Variants in LIG3 observed in about 807,000 individuals in gnomAD.
The protein encoded by LIG3 is DNA ligase 3.
In LIG3, 58 loss-of-function variants were observed where a neutral mutation model predicts 110.9. The ratio of observed to expected loss-of-function variants is 0.52; its 90% CI spans 0.42 to 0.65. LIG3 has a LOEUF of 0.65. LIG3 is among the 30% of genes least tolerant of loss of function. The pLI is 0.00. For synonymous variants in LIG3, 422 were observed against 472.8 expected, an observed-to-expected ratio of 0.89 and a Z score of 1.39; for missense variants, 1,094 against 1,273.8, an observed-to-expected ratio of 0.86 and a Z score of 2.15.
chr17:35,000,998 G>A (rs996630850), intron 16 of LIG3, among the ~76,000 whole-genome samples: 2 of 152,012 alleles, frequency 1.3e-5, no homozygotes, highest in African/African-American at 4.8e-5. Context: ...TCTGCCTCCT[G>A]GGTTCAAGCG....
At chr17:34,982,045 C>T (rs1265665308) in intron 1 of LIG3, among the ~76,000 whole-genome samples, 3 of 152,204 alleles carry the variant, frequency 2.0e-5, no homozygotes, top group Non-Finnish European at 2.9e-5. Context: ...GTGTGCCCAA[C>T]TGTTTTAAGG....
At chr17:34,999,616 A>G (rs1426021281) in intron 15 of LIG3, among the ~76,000 whole-genome samples, 166 bp from the exon 16 acceptor site, 1 of 152,216 alleles carries the variant, frequency 6.6e-6, no homozygotes, top group Non-Finnish European at 1.5e-5. Flanking sequence ...CTTCTTGTGG[A>G]AAATGGCTTG....
chr17:34,994,480 C>T, intron 9 of LIG3, 49 bp downstream of exon 9: 1 of 1,583,490 alleles, frequency 6.3e-7, no homozygotes, highest in Non-Finnish European at 8.6e-7. Context: ...CTTTCTGCCT[C>T]TAACAACCTC....
Position 34,999,817 on chromosome 17 carries a change from C to A in LIG3, c.2292C>A (p.Asn764Lys), listed in dbSNP as rs759406669. Residue 764 changes from asparagine (N) to lysine (K), a missense_variant, in exon 16 of 20, where the codon AAC becomes AAA. By Grantham distance (94) the Asn-to-Lys change is moderately conservative. Coordinates refer to ENST00000378526, the MANE Select transcript of LIG3 (RefSeq NM_013975.4). ...AAATACCCAGCTGGTTGAAGGTCAACAAGATCTACTATCCTGACTTCATCG... is the reference window on the plus strand; with the variant it reads ...AAATACCCAGCTGGTTGAAGGTCAAAAAGATCTACTATCCTGACTTCATCG... ...PSKIPSWLKV[N>K]KIYYPDFIVP... is the part of the protein sequence containing the mutation. 6.2e-7 allele frequency: 1 copy of A among 1,614,184 alleles called. No homozygotes were observed. The highest frequency in any genetic ancestry group is 8.5e-7 in the Non-Finnish European group (1 of 1,180,016).
Position 34,999,371 on chromosome 17 carries a change from C to A in LIG3, c.2178C>A (p.Val726=). The change falls in exon 15 of 20, where the codon GTC becomes GTA. Residue 726 remains valine, a synonymous_variant. Transcript: ENST00000378526. ...CTGGCAGCCAGAAGTGGTGCACAGTCACCAAGTGTGCAGGAGGCCATGATG... is the reference window on the plus strand; with the variant it reads ...CTGGCAGCCAGAAGTGGTGCACAGTAACCAAGTGTGCAGGAGGCCATGATG... The part of the protein sequence containing the change: ...YDPGSQKWCT[V]TKCAGGHDDA... 6.2e-7 allele frequency: 1 copy of A among 1,614,130 alleles called. No individual in the cohort carries two copies. The highest frequency in any genetic ancestry group is 1.1e-5 in the South Asian group (1 of 91,044).
chr17:35,002,817 G>A lies in LIG3; in HGVS notation c.2796+28G>A, dbSNP rs3136028. On this transcript the variant is annotated intron_variant, in intron 19 of 19. Coordinates refer to ENST00000378526, the MANE Select transcript of LIG3 (RefSeq NM_013975.4). ...GAGGGTAAAAACAGCAACACACCAC[G>A]TGGGCCAGTTTAGCCCAGGTTGTGT... The A allele has an allele frequency of 7.4e-4, 1,163 of 1,579,394 alleles. 8 individuals carry two copies. In the African/African-American group the frequency reaches 0.014, roughly 18 times the overall value.
At chr17:35,000,086 A>G (rs1039327862) in intron 16 of LIG3, among the ~76,000 whole-genome samples, 1 of 152,216 alleles carries the variant, frequency 6.6e-6, no homozygotes, top group Non-Finnish European at 1.5e-5. Context: ...GAGAGTACCT[A>G]TCCCCTCAGC....
At chr17:34,989,164 A>G (rs946550914) in intron 3 of LIG3, among the ~76,000 whole-genome samples, 1 of 151,964 alleles carries the variant, frequency 6.6e-6, no homozygotes, top group East Asian at 1.9e-4. Flanking sequence ...TCTTGGCATG[A>G]CTTTGGTCTT....
chr17:35,005,781 C>T lies in LIG3; in HGVS notation c.*1275C>T. The T allele has an allele frequency of 3.7e-6, 2 of 536,458 alleles. No individual in the cohort carries two copies. Among genetic ancestry groups the T allele is most frequent in the South Asian group, 1.5e-5 (1 of 68,296 alleles). 33.2% of individuals were successfully genotyped at this position (536,458 alleles called of 1,614,324 possible). A position where few individuals can be genotyped will look rare whatever the true frequency, so the allele number is the denominator to read the frequency against. Reference sequence around the variant, plus strand: ...GAAATCAGTGGATACTGGATTTGCTCCTGTCAATGAAGTTCTAAAGGCTGT... The same window carrying T: ...GAAATCAGTGGATACTGGATTTGCTTCTGTCAATGAAGTTCTAAAGGCTGT... On this transcript the variant is annotated 3_prime_UTR_variant, in exon 20 of 20. Coordinates refer to ENST00000378526, the MANE Select transcript of LIG3 (RefSeq NM_013975.4).
chr17:34,982,926 C>A, intron 1 of LIG3, 76 bp from the exon 2 acceptor site: 4 of 1,208,534 alleles, frequency 3.3e-6, no homozygotes, highest in South Asian at 3.2e-5. Flanking sequence ...AAGACGCTGG[C>A]CTTTGGAAAA....
rs1265289642 is a variant in LIG3, at chr17:34,991,983, A to G, written c.1234A>G (p.Ile412Val). ...GTGTACAGCCAATGACCTTAAATGCATCATCAGGTTGATCAAACATGATCT... is the reference window on the plus strand; with the variant it reads ...GTGTACAGCCAATGACCTTAAATGCGTCATCAGGTTGATCAAACATGATCT... Reference protein sequence around the residue: ...SRCTANDLKCIIRLIKHDLKM... With the variant: ...SRCTANDLKCVIRLIKHDLKM... The change falls in exon 7 of 20, where the codon ATC becomes GTC. Residue 412 changes from isoleucine to valine, a missense_variant. Ile to Val is a conservative substitution (Grantham distance 29, BLOSUM62 3). Transcript: ENST00000378526. 6.2e-7 allele frequency: 1 copy of G among 1,614,130 alleles called. No homozygotes were observed. Among genetic ancestry groups the G allele is most frequent in the East Asian group, 2.2e-5 (1 of 44,886 alleles).
In LIG3 at chr17:35,004,055, A is replaced by G. The variant is rs3136035; in HGVS notation, c.2797-218A>G. 746 of 559,858 alleles carry G rather than the reference A, an allele frequency of 1.3e-3. 2 individuals carry two copies. The highest frequency in any genetic ancestry group is 0.012 in the African/African-American group (652 of 52,578). The allele number at this position is 559,858 out of a possible 1,614,324, so 34.7% of individuals were successfully genotyped here. ...AGGTCCCAGATGTCGAGGCCTGTCCACTCTCCTTTTCCCCTAGGCAGGGAT... is the reference window on the plus strand; with the variant it reads ...AGGTCCCAGATGTCGAGGCCTGTCCGCTCTCCTTTTCCCCTAGGCAGGGAT... On this transcript the variant is annotated intron_variant, in intron 19 of 19. Coordinates refer to ENST00000378526, the MANE Select transcript of LIG3 (RefSeq NM_013975.4).
intron 19 of LIG3, chr17:35,003,504 G>A (rs1288192375): frequency 2.3e-5 from 4 of 174,986 alleles, no homozygotes; most frequent in African/African-American, 4.7e-5. Context: ...TAGTAGAGAC[G>A]GGATTTCACC....
At chr17:34,994,472 T>C (rs1233201798) in intron 9 of LIG3, 41 bp downstream of exon 9, 17 of 1,596,202 alleles carry the variant, frequency 1.1e-5, no homozygotes, top group Non-Finnish European at 1.4e-5. Context: ...TCTTTCCCCT[T>C]TCTGCCTCTA....
At position 35,007,896 on chromosome 17, in the gene LIG3, C is replaced by T. The variant is rs1202885158; in HGVS notation, c.*3390C>T. The T allele has an allele frequency of 6.6e-6, 1 of 152,226 alleles. No individual in the cohort carries two copies. Among genetic ancestry groups the T allele is most frequent in the African/African-American group, 2.4e-5 (1 of 41,448 alleles). The allele number at this position is 152,226 out of a possible 1,614,324, so 9.4% of individuals were successfully genotyped here. Reference sequence around the variant, plus strand: ...CTTAACAAACAGGCACACACCATCACTCGCAGCTAAGTTTTTGTATTTTTA... The same window carrying T: ...CTTAACAAACAGGCACACACCATCATTCGCAGCTAAGTTTTTGTATTTTTA... On this transcript the variant is annotated 3_prime_UTR_variant, in exon 20 of 20. Transcript: ENST00000378526.
At chr17:35,009,876 G>A (rs1026030395), downstream of LIG3, 2 of 152,674 alleles carry the variant, frequency 1.3e-5, no homozygotes, top group Non-Finnish European at 2.9e-5. Flanking sequence ...CTGTTTTACA[G>A]AGGAACTGAG....
chr17:35,004,142 G>C lies in LIG3; in HGVS notation c.2797-131G>C, dbSNP rs529926111. 4.6e-5 allele frequency: 30 copies of C among 657,354 alleles called. No individual in the cohort carries two copies. In the East Asian group the frequency reaches 7.9e-4, roughly 17 times the overall value. 40.7% of individuals were successfully genotyped at this position (657,354 alleles called of 1,614,324 possible). ...TGGAGGGGTGGGGGTATTGATGCAT[G>C]GTATTCCAGTAAACTTCTCTGCTTG... On this transcript the variant is annotated intron_variant, in intron 19 of 19. Transcript: ENST00000378526.
chr17:34,998,871 T>C, intron 14 of LIG3, 144 bp downstream of exon 14: 2 of 962,504 alleles, frequency 2.1e-6, no homozygotes, highest in Non-Finnish European at 3.0e-6. Context: ...CAAGCTGGCC[T>C]GAGTCACCTC....
rs868693538 is a variant in LIG3, at chr17:35,002,805, G to T, written c.2796+16G>T. The T allele has an allele frequency of 4.4e-6, 7 of 1,585,590 alleles. No individual in the cohort carries two copies. Among genetic ancestry groups the T allele is most frequent in the African/African-American group, 1.3e-5 (1 of 74,446 alleles). On this transcript the variant is annotated intron_variant, in intron 19 of 19. Transcript: ENST00000378526. ...CCAAACAAAGGTGAGGGTAAAAACAGCAACACACCACGTGGGCCAGTTTAG... is the reference window on the plus strand; with the variant it reads ...CCAAACAAAGGTGAGGGTAAAAACATCAACACACCACGTGGGCCAGTTTAG...
Sources: allele counts gnomAD v4.1 joint callset (sites outside exome capture counted in the v4.1 genomes callset), GRCh38; gene constraint gnomAD v4.1.1; transcripts MANE v1.5; gene names NCBI Gene and HGNC (gene_info 2026-07-23, HGNC 2026-07-21).